RASGRP3: variants seen among roughly 807,000 people sequenced by gnomAD.
RASGRP3 encodes RAS guanyl releasing protein 3, also known as ras guanyl-releasing protein 3.
Under a neutral mutation model 82.7 loss-of-function variants are expected in RASGRP3, and 54 were observed. That is an observed-to-expected ratio of 0.65 (90% CI 0.52 to 0.82). The LOEUF is 0.82. Among genes scored for constraint, RASGRP3 ranks in the 40% least tolerant of loss-of-function variants. RASGRP3 has a pLI of 0.00. For synonymous variants in RASGRP3, 309 were observed against 300.5 expected (o/e 1.03, Z -0.29); for missense variants, 861 against 828.9 (o/e 1.04, Z -0.48).
At chr2:33,444,299 C>A (rs1574217160) in intron 1 of RASGRP3, among the ~76,000 whole-genome samples, 1 of 152,096 alleles carries the variant, frequency 6.6e-6, no homozygotes, top group South Asian at 2.1e-4. Flanking sequence ...AACAGCAAGA[C>A]CCTTTCTAAA....
intron 1 of RASGRP3, among the ~76,000 whole-genome samples, chr2:33,488,430 A>G (rs1472231224): frequency 1.3e-5 from 2 of 152,198 alleles, no homozygotes; most frequent in Non-Finnish European, 1.5e-5. Context: ...TAAAAAGGTA[A>G]TGCTTTCTAT....
chr2:33,479,206 CT>C (rs1478716170), intron 1 of RASGRP3, among the ~76,000 whole-genome samples: 1 of 152,342 alleles, frequency 6.6e-6, no homozygotes, highest in African/African-American at 2.4e-5. Context: ...AGGTTTCCCC[CT>C]GTGACAGTCC....
intron 1 of RASGRP3, among the ~76,000 whole-genome samples, chr2:33,490,516 A>C (rs1047175947): frequency 6.6e-6 from 1 of 152,186 alleles, no homozygotes; most frequent in African/African-American, 2.4e-5. Context: ...TGACAGCTTC[A>C]GCTTCCATTC....
At chr2:33,482,028 T>C (rs1372517997) in intron 1 of RASGRP3, 1 of 150,582 alleles carries the variant, frequency 6.6e-6, no homozygotes, top group African/African-American at 2.5e-5. Flanking sequence ...TTTTTTTTTT[T>C]TTTGAGATGG....
intron 2 of RASGRP3, among the ~76,000 whole-genome samples, chr2:33,464,446 AT>A (rs1232968555): frequency 6.9e-6 from 1 of 144,848 alleles, no homozygotes; most frequent in Non-Finnish European, 1.5e-5. Flanking sequence ...TTTTATATCT[AT>A]TTTGGTGATC....
At chr2:33,562,678 A>ATTTTG in intron 17 of RASGRP3, 51 bp from the exon 18 acceptor site, 2 of 1,598,154 alleles carry the variant, frequency 1.3e-6, no homozygotes, top group Non-Finnish European at 1.7e-6. Context: ...GAACACTCTT[A>ATTTTG]TTTTGTTATA....
intron 5 of RASGRP3, 74 bp downstream of exon 5, chr2:33,520,088 C>T: frequency 8.1e-7 from 1 of 1,238,928 alleles, no homozygotes; most frequent in Non-Finnish European, 1.1e-6. Flanking sequence ...TTTCCCCAAG[C>T]TGCAGACCTA....
At chr2:33,517,368 G>A (rs1410300644) in intron 4 of RASGRP3, among the ~76,000 whole-genome samples, 1 of 152,160 alleles carries the variant, frequency 6.6e-6, no homozygotes, top group Non-Finnish European at 1.5e-5. Flanking sequence ...TCTAATGTCA[G>A]TGCCTGCAGT....
chr2:33,503,899 A>T (rs1191200818), intron 1 of RASGRP3, among the ~76,000 whole-genome samples: 1 of 152,198 alleles, frequency 6.6e-6, no homozygotes, highest in African/African-American at 2.4e-5. Context: ...TGGATAATAA[A>T]ATTAATAATA....
chr2:33,464,412 G>T (rs1042778736), intron 2 of RASGRP3, among the ~76,000 whole-genome samples: 2 of 150,222 alleles, frequency 1.3e-5, no homozygotes, highest in African/African-American at 2.4e-5. Context: ...GAACCACCGT[G>T]CCTGGTCTTA....
chr2:33,522,210 C>G, intron 7 of RASGRP3, 108 bp downstream of exon 7: 3 of 1,299,190 alleles, frequency 2.3e-6, no homozygotes, highest in Non-Finnish European at 3.2e-6. Flanking sequence ...TCACTGTGCT[C>G]TGCTGGAGAA....
intron 1 of RASGRP3, among the ~76,000 whole-genome samples, chr2:33,480,451 G>C (rs1667793988): frequency 6.6e-6 from 1 of 152,144 alleles, no homozygotes; most frequent in Non-Finnish European, 1.5e-5. Context: ...AAAACCACTG[G>C]GAATTGCCTC....
At chr2:33,539,995 AAAAAAGAAAAG>A (rs773830413) in intron 12 of RASGRP3, 4 of 121,212 alleles carry the variant, frequency 3.3e-5, no homozygotes, top group South Asian at 5.3e-4. Flanking sequence ...CTGAAAAAAA[AAAAAAGAAAAG>A]AAAAGAAAAG....
rs371193726 is a variant in RASGRP3 at position 33,555,513 on chromosome 2, C to T, written c.1543-18C>T. The stretch of plus-strand genomic sequence containing the variant: ...TCTATCCTCAGATTCCCTGACATTC[C>T]TTTGTCTTTTGTTACAGCTCTGGGG... On this transcript the variant is annotated intron_variant, in intron 14 of 17. Transcript: ENST00000403687. 1.1e-5 allele frequency: 18 copies of T among 1,587,772 alleles called. No homozygotes were observed. In the Admixed American group the frequency reaches 2.4e-4, roughly 21 times the overall value.
intron 1 of RASGRP3, among the ~76,000 whole-genome samples, chr2:33,494,321 C>T (rs976159881): frequency 3.9e-5 from 6 of 152,158 alleles, no homozygotes; most frequent in Non-Finnish European, 7.3e-5. Context: ...GACCAAGGCT[C>T]GCAGCTGCAC....
chr2:33,521,961 C>G lies in RASGRP3; in HGVS notation c.375C>G (p.Ser125=), dbSNP rs754645146. 1.2e-6 allele frequency: 2 copies of G among 1,610,166 alleles called. No homozygotes were observed. Among genetic ancestry groups the G allele is most frequent in the South Asian group, 2.2e-5 (2 of 90,016 alleles). Residue 125 remains serine, a synonymous_variant, in exon 7 of 18, where the codon TCC becomes TCG. Coordinates refer to ENST00000403687, the MANE Select transcript of RASGRP3 (RefSeq NM_001139488.2). ...ACTCACTCTTCTTTTATAGTCCTTC[C>G]TATGACTGGATGAGAAGAGTCACAC... The part of the protein sequence containing the change: ...VSLIDISSIP[S]YDWMRRVTQR...
intron 10 of RASGRP3, chr2:33,533,424 C>A (rs961970642): frequency 6.6e-6 from 1 of 152,196 alleles, no homozygotes. Context: ...TAACTAATAA[C>A]AAATGCGATA....
intron 1 of RASGRP3, among the ~76,000 whole-genome samples, chr2:33,498,586 T>C (rs969552297): frequency 5.3e-5 from 8 of 152,148 alleles, no homozygotes; most frequent in African/African-American, 1.9e-4. Flanking sequence ...AATGAACAAA[T>C]ATATACTTTA....
intron 2 of RASGRP3, among the ~76,000 whole-genome samples, chr2:33,451,579 A>C (rs907526831): frequency 1.3e-5 from 2 of 152,114 alleles, no homozygotes; most frequent in Admixed American, 6.5e-5. Context: ...TTTGAGTTTA[A>C]GTTTTAATCT....
Sources: allele counts gnomAD v4.1 joint callset (sites outside exome capture counted in the v4.1 genomes callset), GRCh38; gene constraint gnomAD v4.1.1; transcripts MANE v1.5; gene names NCBI Gene and HGNC (gene_info 2026-07-23, HGNC 2026-07-21).